SRPRA: variants seen among roughly 807,000 people sequenced by gnomAD.
The protein encoded by SRPRA is SRP receptor subunit alpha, also known as signal recognition particle receptor subunit alpha.
Under a neutral mutation model 61.1 loss-of-function variants are expected in SRPRA, and 30 were observed. The ratio of observed to expected loss-of-function variants is 0.49; its 90% CI spans 0.37 to 0.67. The LOEUF (loss-of-function observed/expected upper bound fraction) is 0.67. Ranked by LOEUF, SRPRA falls within the 30% of genes least tolerant of loss-of-function variation. SRPRA has a pLI of 0.00. For missense variants in SRPRA, 759 were observed against 828.4 expected (o/e 0.92, Z 1.03); for synonymous variants, 324 against 299.7 (o/e 1.08, Z -0.84).
the SRPRA span, among the ~76,000 whole-genome samples, chr11:126,239,793 C>T: frequency 3.9e-5 from 6 of 152,250 alleles, no homozygotes; most frequent in East Asian, 7.7e-4. Context: ...GGATTACAGG[C>T]GTGAGCCACT....
chr11:126,268,808 G>A lies in SRPRA; in HGVS notation c.-4C>T. On this transcript the variant is annotated 5_prime_UTR_variant, in exon 1 of 14. Transcript: ENST00000332118. ...AAATGGTGAAGAAGTCGAGCATGGCGGCAGCGGCAGAGGAGCTGGGGCCGG... is the reference window on the plus strand; with the variant it reads ...AAATGGTGAAGAAGTCGAGCATGGCAGCAGCGGCAGAGGAGCTGGGGCCGG... 6.2e-7 allele frequency: 1 copy of A among 1,611,558 alleles called. No homozygotes were observed. Among genetic ancestry groups the A allele is most frequent in the Non-Finnish European group, 8.5e-7 (1 of 1,178,484 alleles).
chr11:126,253,749 C>G, the SRPRA span, among the ~76,000 whole-genome samples: 1 of 152,178 alleles, frequency 6.6e-6, no homozygotes. This position sits in a 1 kb window ranked among gnomAD's most constrained non-coding sequence, Gnocchi z 5.1. Flanking sequence ...AGCAATTGGC[C>G]AGGCCATATA....
chr11:126,261,541 C>T, downstream of SRPRA: 2 of 1,433,900 alleles, frequency 1.4e-6, no homozygotes, highest in East Asian at 2.3e-5. Flanking sequence ...CTTTCTAGGT[C>T]CTTGGTTAAG....
the SRPRA span, among the ~76,000 whole-genome samples, chr11:126,257,335 T>C: frequency 6.6e-6 from 1 of 152,196 alleles, no homozygotes; most frequent in Admixed American, 6.5e-5. Flanking sequence ...AAGGAGATAA[T>C]TGGATGATTG....
At position 126,263,775 on chromosome 11, in the gene SRPRA, G is replaced by A. The variant is rs2242390; in HGVS notation, c.*141C>T. On this transcript the variant is annotated 3_prime_UTR_variant, in exon 14 of 14. Transcript: ENST00000332118. Reference sequence around the variant, plus strand: ...GCGGCTGTGCTGAACGGGGAGTGGGGTTGGAAGGAGCCACAAGCCCCCTCA... The same window carrying A: ...GCGGCTGTGCTGAACGGGGAGTGGGATTGGAAGGAGCCACAAGCCCCCTCA... 59,613 of 1,204,698 alleles carry A rather than the reference G, an allele frequency of 0.049. 2,277 individuals are homozygous for A. Among genetic ancestry groups the A allele is most frequent in the East Asian group, 0.16 (6,810 of 42,122 alleles). The allele number at this position is 1,204,698 out of a possible 1,614,324, so 74.6% of individuals were successfully genotyped here.
At chr11:126,249,900 C>T in the SRPRA span, among the ~76,000 whole-genome samples, 1 of 152,062 alleles carries the variant, frequency 6.6e-6, no homozygotes, top group African/African-American at 2.4e-5. Flanking sequence ...ACCCCAGCTT[C>T]CCTTTAATAC....
the SRPRA span, among the ~76,000 whole-genome samples, chr11:126,248,058 A>G: frequency 1.3e-5 from 2 of 150,734 alleles, no homozygotes; most frequent in Non-Finnish European, 3.0e-5. Flanking sequence ...AATCAGGAGA[A>G]TCACCTGAAC....
the SRPRA span, among the ~76,000 whole-genome samples, chr11:126,243,686 TTGAGGTCAG>T: frequency 6.6e-6 from 1 of 151,990 alleles, no homozygotes; most frequent in African/African-American, 2.4e-5. Context: ...GGCAGATCAC[TTGAGGTCAG>T]GAGTTCGAGA....
chr11:126,262,083 GA>G, downstream of SRPRA: 1 of 1,613,276 alleles, frequency 6.2e-7, no homozygotes, highest in East Asian at 2.2e-5. Flanking sequence ...CCTGTTTTGT[GA>G]AACTTCATTT....
In SRPRA at chr11:126,267,175, C is replaced by T; in HGVS notation, c.526G>A (p.Gly176Ser). Residue 176 changes from glycine (G) to serine (S), a missense_variant and splice_region_variant, in exon 4 of 14, where the codon GGT (glycine) becomes AGT (serine). By Grantham distance (56) the Gly-to-Ser change is moderately conservative. Around this residue, in one of 2 missense-constraint regions of SRPRA, gnomAD observed 475 missense variants for 462.5 expected, o/e 1.03. Coordinates refer to ENST00000332118, the MANE Select transcript of SRPRA (RefSeq NM_003139.4). The surrounding 1 kb of genome is among the most constrained non-coding windows in gnomAD (Gnocchi z 4.2). ...NSKKKGAKKE[G>S]SDGPLATSKP... is the part of the protein sequence containing the mutation. ...GTATATCCAAAGAACTCAAACTTGC[C>T]TTCCTTCTTGGCCCCCTTTTTTTTG... The T allele has an allele frequency of 6.5e-7, 1 of 1,544,942 alleles. No homozygotes were observed. The highest frequency in any genetic ancestry group is 2.2e-5 in the East Asian group (1 of 44,578).
downstream of SRPRA, chr11:126,260,565 TTGTAAGTCA>T (rs1340042209): frequency 6.6e-6 from 1 of 152,222 alleles, no homozygotes; most frequent in Non-Finnish European, 1.5e-5. Context: ...TGCCAGTTTT[TTGTAAGTCA>T]TGTTGTGAAA....
the SRPRA span, among the ~76,000 whole-genome samples, chr11:126,242,628 G>A: frequency 6.6e-6 from 1 of 152,148 alleles, no homozygotes; most frequent in African/African-American, 2.4e-5. Context: ...AAGTGCATAC[G>A]AAAAGATGTT....
At position 126,267,376 on chromosome 11, in the gene SRPRA, A is replaced by G; in HGVS notation, c.366-41T>C. 6.2e-7 allele frequency: 1 copy of G among 1,606,350 alleles called. No individual in the cohort carries two copies. The highest frequency in any genetic ancestry group is 8.5e-7 in the Non-Finnish European group (1 of 1,176,820). The stretch of plus-strand genomic sequence containing the variant: ...AATGGTTTATCTTTCTACCCCATGC[A>G]GAAGGAAAAATAACGGTCCAGAGAA... On this transcript the variant is annotated intron_variant, in intron 3 of 13. Transcript: ENST00000332118. The surrounding 1 kb of genome is among the most constrained non-coding windows in gnomAD (Gnocchi z 4.2).
Position 126,266,931 on chromosome 11 carries a change from GA to G in SRPRA, c.527-10del. Reference sequence around the variant, plus strand: ...CAAAGGACCATCAGAACCTGTTGGGGAAAAAACTCACTGAAGAAAAAAGAAG... The same window carrying G: ...CAAAGGACCATCAGAACCTGTTGGGGAAAAACTCACTGAAGAAAAAAGAAG... On this transcript the variant is annotated splice_polypyrimidine_tract_variant and intron_variant, in intron 4 of 13. Coordinates refer to ENST00000332118, the MANE Select transcript of SRPRA (RefSeq NM_003139.4). The G allele has an allele frequency of 6.2e-7, 1 of 1,606,836 alleles. No homozygotes were observed. The highest frequency in any genetic ancestry group is 1.7e-5 in the Admixed American group (1 of 57,668).
downstream of SRPRA, chr11:126,260,865 C>G (rs1236897614): frequency 6.6e-6 from 1 of 152,266 alleles, no homozygotes; most frequent in Non-Finnish European, 1.5e-5. Context: ...CATAAAAATA[C>G]TGTATAATCT....
chr11:126,255,848 G>C, the SRPRA span, among the ~76,000 whole-genome samples: 1 of 152,050 alleles, frequency 6.6e-6, no homozygotes. The surrounding 1 kb of genome is among the most constrained non-coding windows in gnomAD (Gnocchi z 4.6). Context: ...AGCTACTTGG[G>C]AGTCTGAGGC....
the SRPRA span, among the ~76,000 whole-genome samples, chr11:126,239,716 G>A: frequency 6.6e-6 from 1 of 152,150 alleles, no homozygotes; most frequent in Admixed American, 6.5e-5. Flanking sequence ...GTTTCACCAT[G>A]TTGGCCAGGC....
the SRPRA span, chr11:126,256,488 A>G: frequency 1.4e-6 from 2 of 1,382,320 alleles, no homozygotes; most frequent in Non-Finnish European, 2.0e-6. The surrounding 1 kb of genome is among the most constrained non-coding windows in gnomAD (Gnocchi z 6.6). Context: ...AGTCTGCTCA[A>G]CGTAGCATGA....
At chr11:126,245,786 C>T in the SRPRA span, among the ~76,000 whole-genome samples, 11 of 152,026 alleles carry the variant, frequency 7.2e-5, no homozygotes, top group African/African-American at 2.4e-4. Flanking sequence ...CACCTGAGGT[C>T]GGAAGTTCGA....
Sources: gnomAD v4.1 joint callset for allele counts (sites outside exome capture counted in the v4.1 genomes callset) on GRCh38, gnomAD v4.1.1 for gene constraint, gnomAD v4.1.1 regional missense constraint, Gnocchi (gnomAD v3.1) non-coding constraint, MANE v1.5 for transcripts, NCBI Gene and HGNC (gene_info 2026-07-23, HGNC 2026-07-21) for gene names.